Variants in RGS6 observed in about 807,000 individuals in gnomAD.
The protein encoded by RGS6 is regulator of G protein signaling 6, also known as regulator of G-protein signaling 6.
A neutral mutation model predicts 78.5 loss-of-function variants in RGS6; 30 were observed. That is an observed-to-expected ratio of 0.38 (90% CI 0.29 to 0.52). RGS6 has a LOEUF of 0.52. Ranked by LOEUF, RGS6 falls within the 20% of genes least tolerant of loss-of-function variation. The pLI, the probability that RGS6 is intolerant of heterozygous loss-of-function variation, is 0.85. For synonymous variants in RGS6, 206 were observed against 206.0 expected (o/e 1.00, Z 0.00); for missense variants, 495 against 609.7 (o/e 0.81, Z 1.98).
At chr14:72,509,364 C>CAA (rs2096851206) in intron 13 of RGS6, among the ~76,000 whole-genome samples, 1 of 120,082 alleles carries the variant, frequency 8.3e-6, no homozygotes, top group African/African-American at 3.0e-5. Context: ...GACTCCATCT[C>CAA]AAGAAAAAAA....
chr14:72,401,800 T>G (rs1331387586), intron 3 of RGS6, among the ~76,000 whole-genome samples: 1 of 152,148 alleles, frequency 6.6e-6, no homozygotes, highest in Middle Eastern at 3.2e-3. Context: ...CAGAAAAGAT[T>G]GGAGTCTTGC....
At chr14:71,890,457 T>C in the RGS6 span, among the ~76,000 whole-genome samples, 35 of 151,998 alleles carry the variant, frequency 2.3e-4, no homozygotes, top group African/African-American at 7.7e-4. Flanking sequence ...CCTCATTCTA[T>C]GGCACCTGTC....
At position 72,195,579 on chromosome 14, in the gene RGS6, G is replaced by GA. The variant is rs200749524; in HGVS notation, c.85-156511dup. Among the ~76,000 whole-genome samples the GA allele has an allele frequency of 3.9e-5, 6 of 152,340 alleles. No individual in the cohort carries two copies. The East Asian group carries it at 1.2e-3, about 29-fold the overall frequency. ...AGAAGGAATAGCCAGGAAAGTGGGA[G>GA]AAAAATGAGGCGCTTGAACGAAGAG... is the stretch of plus-strand genomic sequence containing the variant. On this transcript the variant is annotated intron_variant, in intron 2 of 17. Coordinates refer to ENST00000553525, the MANE Select transcript of RGS6 (RefSeq NM_001204424.2).
chr14:72,310,573 A>G (rs968317235), intron 2 of RGS6, among the ~76,000 whole-genome samples: 36 of 152,206 alleles, frequency 2.4e-4, no homozygotes, highest in African/African-American at 8.0e-4. Flanking sequence ...CATTTTTCTA[A>G]TTGTTACTTA....
chr14:72,420,366 T>C (rs1465733950), intron 3 of RGS6, among the ~76,000 whole-genome samples: 1 of 152,224 alleles, frequency 6.6e-6, no homozygotes, highest in African/African-American at 2.4e-5. Flanking sequence ...GATTTGGGAA[T>C]CAGGATTTGC....
At chr14:71,962,144 A>G (rs1368411125) in intron 1 of RGS6, among the ~76,000 whole-genome samples, 2 of 152,240 alleles carry the variant, frequency 1.3e-5, no homozygotes, top group Admixed American at 1.3e-4. Flanking sequence ...GGAACCAAAA[A>G]TAGAAACATT....
intron 3 of RGS6, among the ~76,000 whole-genome samples, chr14:72,395,330 G>T: frequency 6.6e-6 from 1 of 152,182 alleles, no homozygotes; most frequent in Middle Eastern, 3.4e-3. Flanking sequence ...ATATGTGTGT[G>T]TATATACATA....
chr14:72,336,943 T>A (rs2152638221), intron 2 of RGS6, among the ~76,000 whole-genome samples: 1 of 151,978 alleles, frequency 6.6e-6, no homozygotes, highest in East Asian at 1.9e-4. Context: ...CATCAGTCAT[T>A]TTGGATTAAG....
chr14:72,478,512 G>GTGA (rs1266054741), intron 12 of RGS6, among the ~76,000 whole-genome samples, 183 bp downstream of exon 12: 8 of 152,172 alleles, frequency 5.3e-5, no homozygotes, highest in Non-Finnish European at 1.2e-4. Context: ...CCTCCCTTGA[G>GTGA]TGATGTCAAG....
rs147459185 is a variant in RGS6 at position 72,005,793 on chromosome 14, G to A, written c.84+40918G>A. On this transcript the variant is annotated intron_variant, in intron 2 of 17. Transcript: ENST00000553525. Reference sequence around the variant, plus strand: ...ATCACAATTCTGTGTTGAAATTTTTGTATGCTTTACCTAATTAGGACAAAT... The same window carrying A: ...ATCACAATTCTGTGTTGAAATTTTTATATGCTTTACCTAATTAGGACAAAT... 3.7e-3 allele frequency among the ~76,000 whole-genome samples: 558 copies of A among 151,658 alleles called. 4 individuals are homozygous for A. Among genetic ancestry groups the A allele is most frequent in the African/African-American group, 0.013 (520 of 41,352 alleles).
At chr14:72,021,550 G>A (rs764876680) in intron 2 of RGS6, among the ~76,000 whole-genome samples, 14 of 143,514 alleles carry the variant, frequency 9.8e-5, no homozygotes, top group Non-Finnish European at 1.5e-4. Context: ...CTCACTGCAA[G>A]CTCTGCCTCC....
At chr14:71,964,159 C>T (rs2093376521) in intron 1 of RGS6, among the ~76,000 whole-genome samples, 1 of 152,122 alleles carries the variant, frequency 6.6e-6, no homozygotes, top group African/African-American at 2.4e-5. Flanking sequence ...TGAGCTTTGG[C>T]AAGGTGAACT....
chr14:72,496,674 T>C (rs570979244), intron 13 of RGS6, among the ~76,000 whole-genome samples: 7 of 152,236 alleles, frequency 4.6e-5, no homozygotes, highest in Non-Finnish European at 7.3e-5. Context: ...AATGACACTG[T>C]TAAGTATTTC....
intron 3 of RGS6, among the ~76,000 whole-genome samples, chr14:72,390,274 T>G (rs572221577): frequency 6.6e-6 from 1 of 152,186 alleles, no homozygotes; most frequent in South Asian, 2.1e-4. Context: ...ATTTTTGTAT[T>G]TTTAGTAGAG....
At chr14:72,062,389 A>G (rs1413353219) in intron 2 of RGS6, among the ~76,000 whole-genome samples, 3 of 152,168 alleles carry the variant, frequency 2.0e-5, no homozygotes, top group East Asian at 1.9e-4. Flanking sequence ...CTCTGATGAA[A>G]AGGCACTGGG....
the RGS6 span, chr14:72,629,800 T>G: frequency 7.7e-7 from 1 of 1,294,068 alleles, no homozygotes. Flanking sequence ...TCAACACCAC[T>G]CACTGGAAAC....
At chr14:72,524,888 T>G (rs180971812) in intron 15 of RGS6, among the ~76,000 whole-genome samples, 1 of 152,320 alleles carries the variant, frequency 6.6e-6, no homozygotes, top group East Asian at 1.9e-4. Flanking sequence ...CCAGCCCCAT[T>G]GGCTTTGATC....
intron 2 of RGS6, among the ~76,000 whole-genome samples, chr14:72,001,595 T>G (rs1382715811): frequency 1.3e-5 from 2 of 151,956 alleles, no homozygotes; most frequent in South Asian, 2.1e-4. Flanking sequence ...GGAAATGATG[T>G]TATCAGTCCA....
At chr14:72,384,686 G>T (rs1370692429) in intron 3 of RGS6, among the ~76,000 whole-genome samples, 1 of 152,152 alleles carries the variant, frequency 6.6e-6, no homozygotes, top group East Asian at 1.9e-4. Context: ...TAAGGACCAA[G>T]CACAGGAGGA....
Sources: allele counts gnomAD v4.1 joint callset (sites outside exome capture counted in the v4.1 genomes callset), GRCh38; gene constraint gnomAD v4.1.1; transcripts MANE v1.5; gene names NCBI Gene and HGNC (gene_info 2026-07-23, HGNC 2026-07-21).